Variants in SHROOM2 observed in about 807,000 individuals in gnomAD.
SHROOM2 encodes the protein protein Shroom2.
Under a neutral mutation model 75.9 loss-of-function variants are expected in SHROOM2, and 33 were observed. That is an observed-to-expected ratio of 0.43 (90% CI 0.33 to 0.58). The LOEUF is 0.58. SHROOM2 is among the 20% of genes least tolerant of loss of function. The pLI, the probability that SHROOM2 is intolerant of heterozygous loss-of-function variation, is 0.04. For synonymous variants in SHROOM2, 655 were observed against 663.6 expected (o/e 0.99, Z 0.20); for missense variants, 1,434 against 1,461.2 (o/e 0.98, Z 0.30).
intron 1 of SHROOM2, 82 bp from the exon 2 acceptor site, chrX:9,873,570 T>C: frequency 9.1e-7 from 1 of 1,093,443 alleles, no homozygotes. Context: ...GTGTGAGGTA[T>C]GTCTGCTGCG....
chrX:9,887,631 A>G (rs1009659057), intron 2 of SHROOM2, among the ~76,000 whole-genome samples: 1 of 112,862 alleles, frequency 8.9e-6, no homozygotes, highest in Non-Finnish European at 1.9e-5. Context: ...GCACAAAGCA[A>G]TTGGCCTATA....
chrX:9,849,940 G>A (rs1289120062), intron 1 of SHROOM2, among the ~76,000 whole-genome samples: 3 of 112,338 alleles, frequency 2.7e-5, no homozygotes, highest in East Asian at 2.8e-4. Flanking sequence ...TTAACAACAC[G>A]TTGAAGCAGA....
rs1446573358 is a variant in SHROOM2, at chrX:9,786,442, G to C, written c.-104G>C. On this transcript the variant is annotated 5_prime_UTR_variant, in exon 1 of 10. Transcript: ENST00000380913. Reference sequence around the variant, plus strand: ...CGCCGGGCCGGCACTTTCTTTCCAAGTTACGGCGCAAGTTCTGCGGCGCTC... The same window carrying C: ...CGCCGGGCCGGCACTTTCTTTCCAACTTACGGCGCAAGTTCTGCGGCGCTC... 9.1e-6 allele frequency: 6 copies of C among 659,721 alleles called. No individual in the cohort carries two copies. Among genetic ancestry groups the C allele is most frequent in the Non-Finnish European group, 1.1e-5 (6 of 534,561 alleles). The allele number at this position is 659,721 out of a possible 1,213,427, so 54.4% of individuals were successfully genotyped here.
chrX:9,792,267 ATTATGGGTGTGAATGTTCCAGCTTCTCT>A (rs2083670025), intron 1 of SHROOM2, among the ~76,000 whole-genome samples: 1 of 110,843 alleles, frequency 9.0e-6, no homozygotes, highest in African/African-American at 3.3e-5. Flanking sequence ...GCCTGTTCCC[ATTATGGGTGTGAATGTTCCAGCTTCTCT>A]TTGGGGGAAC....
intron 3 of SHROOM2, among the ~76,000 whole-genome samples, chrX:9,893,886 G>A (rs1450663058): frequency 9.4e-6 from 1 of 106,560 alleles, no homozygotes; most frequent in Non-Finnish European, 1.9e-5. Context: ...CCCAGGAGGC[G>A]AAGGTTGCAG....
intron 1 of SHROOM2, among the ~76,000 whole-genome samples, chrX:9,832,387 G>T (rs1298627213): frequency 8.9e-6 from 1 of 111,756 alleles, no homozygotes; most frequent in Non-Finnish European, 1.9e-5. Context: ...GTTTGTCAGG[G>T]AGCATGACTA....
intron 1 of SHROOM2, among the ~76,000 whole-genome samples, chrX:9,848,524 A>AAAAAAAAAAAG (rs2084019861): frequency 3.0e-5 from 3 of 101,120 alleles, no homozygotes; most frequent in Non-Finnish European, 2.0e-5. Flanking sequence ...AAAAAAAAAA[A>AAAAAAAAAAAG]AAAAAAAGAA....
At chrX:9,926,808 ATGAG>A (rs1459050554) in intron 5 of SHROOM2, among the ~76,000 whole-genome samples, 4 of 111,047 alleles carry the variant, frequency 3.6e-5, no homozygotes, top group Non-Finnish European at 7.5e-5. Flanking sequence ...ATGAAGCAAA[ATGAG>A]TGTCAGGTTT....
chrX:9,845,063 G>A (rs1309419425), intron 1 of SHROOM2, among the ~76,000 whole-genome samples: 3 of 110,852 alleles, frequency 2.7e-5, no homozygotes, highest in African/African-American at 9.9e-5. Context: ...CTTGTTCTCT[G>A]TGGGACTCCT....
At chrX:9,808,342 G>A (rs975275735) in intron 1 of SHROOM2, among the ~76,000 whole-genome samples, 2 of 102,260 alleles carry the variant, frequency 2.0e-5, no homozygotes, top group East Asian at 3.0e-4. Flanking sequence ...CCAGGAGTTC[G>A]AGACCAGACT....
At chrX:9,900,021 CTGTG>C (rs1245594124) in intron 5 of SHROOM2, among the ~76,000 whole-genome samples, 1 of 111,623 alleles carries the variant, frequency 9.0e-6, no homozygotes, top group East Asian at 2.8e-4. Flanking sequence ...CACGTGCAGG[CTGTG>C]TGTGAGTGAG....
intron 1 of SHROOM2, among the ~76,000 whole-genome samples, chrX:9,859,503 C>G (rs1232803054): frequency 1.8e-5 from 2 of 111,521 alleles, no homozygotes; most frequent in Non-Finnish European, 3.8e-5. Context: ...GCCATGTGCT[C>G]CAGGCACTAG....
chrX:9,873,909 T>G (rs1387064236), intron 2 of SHROOM2, 106 bp downstream of exon 2: 1 of 854,877 alleles, frequency 1.2e-6, no homozygotes, highest in Non-Finnish European at 1.7e-6. Context: ...AGATCTCGAT[T>G]GGGACATGCA....
Position 9,896,404 on chromosome X carries a change from G to A in SHROOM2, c.2496G>A (p.Ala832=), listed in dbSNP as rs200542562. 6.2e-5 allele frequency: 75 copies of A among 1,211,226 alleles called. No homozygotes were observed. Among genetic ancestry groups the A allele is most frequent in the Admixed American group, 2.8e-4 (13 of 46,013 alleles). ...ACAAGCCAGAGAGGCCGCGGACAGC[G>A]GGCCGCACATGTGAGGGCACGGAGC... ...PRDKPERPRT[A]GRTCEGTEPW... Residue 832 remains alanine (A), a synonymous_variant, in exon 4 of 10, where the codon GCG becomes GCA. Transcript: ENST00000380913.
chrX:9,891,392 G>A (rs1198558627), intron 3 of SHROOM2, among the ~76,000 whole-genome samples: 1 of 112,488 alleles, frequency 8.9e-6, no homozygotes, highest in East Asian at 2.8e-4. Context: ...TGAGCCGGTG[G>A]GGTGGCATCC....
chrX:9,822,985 A>ATTCTTCTTCTTCTTCTTCTTC (rs1193729528), intron 1 of SHROOM2, among the ~76,000 whole-genome samples: 4 of 88,282 alleles, frequency 4.5e-5, no homozygotes, highest in African/African-American at 1.9e-4. Context: ...AAGAATAATA[A>ATTCTTCTTCTTCTTCTTCTTC]TTCTTCTTCT....
intron 1 of SHROOM2, among the ~76,000 whole-genome samples, chrX:9,807,622 G>A (rs918522361): frequency 1.8e-5 from 2 of 112,365 alleles, no homozygotes; most frequent in African/African-American, 6.5e-5. Flanking sequence ...GCTGGTCTAG[G>A]CCGTAAAAAA....
At chrX:9,826,171 G>GA (rs2083886538) in intron 1 of SHROOM2, among the ~76,000 whole-genome samples, 1 of 112,270 alleles carries the variant, frequency 8.9e-6, no homozygotes, top group African/African-American at 3.2e-5. Flanking sequence ...GGTTCTCAGT[G>GA]AATGTGTTAT....
At chrX:9,858,526 G>A (rs1337585419) in intron 1 of SHROOM2, among the ~76,000 whole-genome samples, 3 of 112,717 alleles carry the variant, frequency 2.7e-5, no homozygotes, top group South Asian at 3.6e-4. Context: ...GTGAGGCCGC[G>A]CACGGTGGCT....
Sources: gnomAD v4.1 joint callset for allele counts (sites outside exome capture counted in the v4.1 genomes callset) on GRCh38, gnomAD v4.1.1 for gene constraint, MANE v1.5 for transcripts, NCBI Gene and HGNC (gene_info 2026-07-23, HGNC 2026-07-21) for gene names.